The following GARNL3 variants were observed in gnomAD, a reference collection of about 807,000 sequenced individuals.
GARNL3 encodes the protein GTPase-activating Rap/Ran-GAP domain-like protein 3.
GARNL3 carries 63 observed loss-of-function variants against 125.0 expected under a neutral mutation model. The ratio of observed to expected loss-of-function variants is 0.50; its 90% CI spans 0.41 to 0.62. The LOEUF (loss-of-function observed/expected upper bound fraction) is 0.62, where lower values mean the gene tolerates loss of function less well. Among genes scored for constraint, GARNL3 ranks in the 20% least tolerant of loss-of-function variants. GARNL3 has a pLI of 0.00. For synonymous variants in GARNL3, 439 were observed against 457.5 expected, an observed-to-expected ratio of 0.96 and a Z score of 0.52; for missense variants, 994 against 1,244.0, an observed-to-expected ratio of 0.80 and a Z score of 3.02.
At chr9:127,391,533 A>AAAAAAAAAAAAAAAAAAAT in intron 27 of GARNL3, among the ~76,000 whole-genome samples, 7 of 75,868 alleles carry the variant, frequency 9.2e-5, no homozygotes, top group Non-Finnish European at 1.3e-4. Context: ...ACAAAAAAAA[A>AAAAAAAAAAAAAAAAAAAT]ATATATATAT....
intron 2 of GARNL3, among the ~76,000 whole-genome samples, chr9:127,301,617 G>A (rs1218323975): frequency 6.6e-6 from 1 of 152,090 alleles, no homozygotes; most frequent in East Asian, 1.9e-4. Context: ...ATCTTGCATT[G>A]TCTACATTGA....
At chr9:127,287,600 T>C (rs1019847684) in intron 1 of GARNL3, among the ~76,000 whole-genome samples, 3 of 152,192 alleles carry the variant, frequency 2.0e-5, no homozygotes, top group African/African-American at 4.8e-5. Flanking sequence ...GCAAGCTGTG[T>C]GAGCCAGCCG....
chr9:127,369,668 C>G (rs558315939), intron 22 of GARNL3, among the ~76,000 whole-genome samples: 9 of 152,258 alleles, frequency 5.9e-5, no homozygotes, highest in African/African-American at 1.7e-4. Context: ...AGGGGGAGCA[C>G]TTTTTCACAG....
chr9:127,309,668 A>G (rs534874072), intron 2 of GARNL3, among the ~76,000 whole-genome samples: 4 of 152,342 alleles, frequency 2.6e-5, no homozygotes, highest in Non-Finnish European at 5.9e-5. Flanking sequence ...AGCTATTACT[A>G]TATTCATTAT....
At chr9:127,354,942 G>A (rs1259538563) in intron 19 of GARNL3, among the ~76,000 whole-genome samples, 7 of 152,134 alleles carry the variant, frequency 4.6e-5, no homozygotes, top group Admixed American at 1.3e-4. Context: ...ACAGGTGCCC[G>A]CCAGCATTCC....
intron 16 of GARNL3, 123 bp downstream of exon 16, chr9:127,345,600 C>T (rs1830094599): frequency 1.7e-6 from 1 of 597,200 alleles, no homozygotes; most frequent in Non-Finnish European, 2.9e-6. Flanking sequence ...GCAGAGTCCT[C>T]AGGGAAAGCC....
At chr9:127,254,523 C>G (rs2063461762) in intron 2 of GARNL3, among the ~76,000 whole-genome samples, 1 of 152,104 alleles carries the variant, frequency 6.6e-6, no homozygotes, top group Non-Finnish European at 1.5e-5. Flanking sequence ...AATCCCAGCA[C>G]TTTGGGAGGC....
chr9:127,246,275 GA>G (rs1202801174), intron 2 of GARNL3, among the ~76,000 whole-genome samples: 1 of 152,188 alleles, frequency 6.6e-6, no homozygotes, highest in Non-Finnish European at 1.5e-5. Context: ...TATCAGAGCA[GA>G]AGATGTGAAG....
intron 6 of GARNL3, among the ~76,000 whole-genome samples, chr9:127,323,590 A>C (rs1048303464): frequency 6.6e-6 from 1 of 152,180 alleles, no homozygotes; most frequent in African/African-American, 2.4e-5. Context: ...AGAAGCTGAG[A>C]GGTGCGATCC....
At chr9:127,380,097 TGAACCCAAGAGGCA>T (rs777556178) in intron 22 of GARNL3, among the ~76,000 whole-genome samples, 6 of 151,984 alleles carry the variant, frequency 3.9e-5, no homozygotes, top group Non-Finnish European at 5.9e-5. Flanking sequence ...GAGAATTGCT[TGAACCCAAGAGGCA>T]GAACCCAAGA....
At position 127,318,130 on chromosome 9, in the gene GARNL3, G is replaced by T. The variant is rs1160851960; in HGVS notation, c.503+3G>T. ...CTTTCTGTGAAGTCCATCTTAAGGT[G>T]AGTTCTAATGGGTAGAAACCCCACA... On this transcript the variant is annotated splice_donor_region_variant and intron_variant, in intron 5 of 27. Coordinates refer to ENST00000373387, the MANE Select transcript of GARNL3 (RefSeq NM_032293.5). 1 of 1,568,788 alleles carries T rather than the reference G, an allele frequency of 6.4e-7. No homozygotes were observed. The highest frequency in any genetic ancestry group is 2.2e-5 in the East Asian group (1 of 44,676).
intron 1 of GARNL3, among the ~76,000 whole-genome samples, chr9:127,233,848 G>T (rs1317239359): frequency 1.3e-5 from 2 of 152,134 alleles, no homozygotes; most frequent in African/African-American, 2.4e-5. Context: ...ATGCGTCGGG[G>T]TGCCTCCTTT....
intron 2 of GARNL3, among the ~76,000 whole-genome samples, chr9:127,251,006 T>C (rs1368755102): frequency 6.6e-6 from 1 of 152,162 alleles, no homozygotes; most frequent in African/African-American, 2.4e-5. Flanking sequence ...AGTTTTCGGG[T>C]CTTTCAACTT....
chr9:127,328,275 T>TC (rs1829007558), intron 7 of GARNL3, among the ~76,000 whole-genome samples: 1 of 152,078 alleles, frequency 6.6e-6, no homozygotes, highest in Non-Finnish European at 1.5e-5. Context: ...CATCTTGGAG[T>TC]GTGAACAATG....
chr9:127,251,963 T>G (rs757348510), intron 2 of GARNL3, among the ~76,000 whole-genome samples: 2 of 152,176 alleles, frequency 1.3e-5, no homozygotes, highest in East Asian at 3.8e-4. Context: ...AGACAAACCC[T>G]ACTAAATAAC....
At chr9:127,368,628 C>G (rs1007505021) in intron 22 of GARNL3, among the ~76,000 whole-genome samples, 2 of 151,022 alleles carry the variant, frequency 1.3e-5, no homozygotes, top group Non-Finnish European at 3.0e-5. Context: ...ACTGTGCCCA[C>G]CCCGAAATGC....
intron 4 of GARNL3, among the ~76,000 whole-genome samples, chr9:127,317,342 T>G (rs2065267613): frequency 6.6e-6 from 1 of 152,218 alleles, no homozygotes; most frequent in Admixed American, 6.5e-5. Context: ...AAAAAGTTTT[T>G]GACTGGGAGA....
intron 5 of GARNL3, among the ~76,000 whole-genome samples, 174 bp from the exon 6 acceptor site, chr9:127,320,541 T>C (rs1035886230): frequency 1.3e-5 from 2 of 152,242 alleles, no homozygotes; most frequent in African/African-American, 4.8e-5. Flanking sequence ...GAGCCAGTTA[T>C]ATAAGTCAAG....
chr9:127,389,212 A>G, intron 26 of GARNL3, 93 bp downstream of exon 26: 1 of 913,276 alleles, frequency 1.1e-6, no homozygotes, highest in Non-Finnish European at 1.7e-6. Flanking sequence ...AATGAGTTTA[A>G]AAGGAAAGTT....
Sources: gnomAD v4.1 joint callset for allele counts (sites outside exome capture counted in the v4.1 genomes callset) on GRCh38, gnomAD v4.1.1 for gene constraint, MANE v1.5 for transcripts, NCBI Gene and HGNC (gene_info 2026-07-23, HGNC 2026-07-21) for gene names.